The following FRMD4A variants were observed in gnomAD, a reference collection of about 807,000 sequenced individuals.
FRMD4A encodes the protein FERM domain containing 4A.
FRMD4A carries 29 observed loss-of-function variants against 129.1 expected under a neutral mutation model. The observed-to-expected ratio is 0.22, with a 90% CI of 0.17 to 0.31. The LOEUF (loss-of-function observed/expected upper bound fraction) is 0.31. Ranked by LOEUF, FRMD4A falls within the 10% of genes least tolerant of loss-of-function variation. The probability of loss-of-function intolerance (pLI) is 1.00; values close to 1 mark genes in which losing one functional copy is unlikely to be tolerated. For missense variants in FRMD4A, 1,272 were observed against 1,375.8 expected (o/e 0.92, Z 1.19); for synonymous variants, 634 against 571.6 (o/e 1.11, Z -1.56).
At chr10:13,656,103 G>GT (rs2082119375) in intron 22 of FRMD4A, among the ~76,000 whole-genome samples, 1 of 152,104 alleles carries the variant, frequency 6.6e-6, no homozygotes, top group South Asian at 2.1e-4. Context: ...ATCGAAATGG[G>GT]AAAGCCAGGA....
chr10:14,064,621 A>G (rs1202068827), intron 2 of FRMD4A, among the ~76,000 whole-genome samples: 2 of 152,126 alleles, frequency 1.3e-5, no homozygotes, highest in Admixed American at 1.3e-4. Flanking sequence ...TCCATCGTCT[A>G]GGCTGGAGTA....
intron 2 of FRMD4A, among the ~76,000 whole-genome samples, chr10:14,235,768 G>A (rs1205053854): frequency 3.3e-5 from 5 of 152,202 alleles, no homozygotes; most frequent in Non-Finnish European, 7.3e-5. Flanking sequence ...CTGTCCTTGA[G>A]AATATTTGCT....
intron 15 of FRMD4A, among the ~76,000 whole-genome samples, chr10:13,681,360 G>C (rs190434592): frequency 3.1e-4 from 47 of 152,276 alleles, no homozygotes; most frequent in Non-Finnish European, 6.5e-4. Flanking sequence ...AATCTGAGCT[G>C]TCTCTGGGAT....
chr10:13,991,589 G>A (rs767644602), intron 2 of FRMD4A, among the ~76,000 whole-genome samples: 4 of 152,206 alleles, frequency 2.6e-5, no homozygotes, highest in Admixed American at 6.5e-5. Flanking sequence ...TGGGAAAAAA[G>A]AACCACCTTG....
intron 2 of FRMD4A, among the ~76,000 whole-genome samples, chr10:14,057,824 C>T (rs1300855233): frequency 1.3e-5 from 2 of 152,216 alleles, no homozygotes; most frequent in Non-Finnish European, 2.9e-5. Flanking sequence ...CCCATCTTGG[C>T]CTCACAAAGT....
intron 2 of FRMD4A, among the ~76,000 whole-genome samples, chr10:14,106,392 A>G (rs929616193): frequency 2.6e-5 from 4 of 152,230 alleles, no homozygotes; most frequent in African/African-American, 9.6e-5. Flanking sequence ...AGTGGGAAAT[A>G]GTATCTAGAT....
At chr10:14,185,520 G>C (rs903288840) in intron 2 of FRMD4A, among the ~76,000 whole-genome samples, 2 of 149,406 alleles carry the variant, frequency 1.3e-5, no homozygotes, top group Non-Finnish European at 3.0e-5. Context: ...TTGGAGGTTT[G>C]TTGTAGAACT....
At chr10:13,745,979 A>G (rs987279210) in intron 9 of FRMD4A, among the ~76,000 whole-genome samples, 17 of 152,240 alleles carry the variant, frequency 1.1e-4, no homozygotes, top group African/African-American at 3.9e-4. Context: ...AAGCTGATGC[A>G]TGCAAAATCC....
At chr10:13,696,868 T>A (rs2086273802) in intron 14 of FRMD4A, among the ~76,000 whole-genome samples, 1 of 152,180 alleles carries the variant, frequency 6.6e-6, no homozygotes, top group Non-Finnish European at 1.5e-5. Context: ...AAAACCCACA[T>A]CCCAGAGTTG....
intron 2 of FRMD4A, among the ~76,000 whole-genome samples, chr10:14,181,306 A>G (rs1392148893): frequency 4.0e-5 from 6 of 151,694 alleles, no homozygotes; most frequent in Non-Finnish European, 1.5e-5. Context: ...TTTTTTCCTT[A>G]AGGTTTGTGG....
intron 15 of FRMD4A, among the ~76,000 whole-genome samples, chr10:13,679,787 G>C (rs746165713): frequency 3.3e-5 from 5 of 152,102 alleles, no homozygotes; most frequent in African/African-American, 9.7e-5. Context: ...CTCAGGGCTT[G>C]TCTGATCTGA....
In FRMD4A at chr10:13,847,372, C is replaced by T. The variant is rs75630078; in HGVS notation, c.111+11475G>A. On this transcript the variant is annotated intron_variant, in intron 3 of 24. Transcript: ENST00000357447. ...AGATTCAAGGGCGATAGGGAAGGCCCGCTGGGGTAGAAGACTCAGAGAAAA... is the reference window on the plus strand; with the variant it reads ...AGATTCAAGGGCGATAGGGAAGGCCTGCTGGGGTAGAAGACTCAGAGAAAA... 3.6e-3 allele frequency among the ~76,000 whole-genome samples: 553 copies of T among 152,308 alleles called. 1 individual carries two copies. The highest frequency in any genetic ancestry group is 0.013 in the African/African-American group (539 of 41,554).
chr10:14,291,835 T>C (rs189140623), intron 2 of FRMD4A, among the ~76,000 whole-genome samples: 1 of 151,808 alleles, frequency 6.6e-6, no homozygotes, highest in South Asian at 2.1e-4. Context: ...GGAATTATAT[T>C]ATTATTAATA....
chr10:13,841,069 T>C (rs1008810052), intron 3 of FRMD4A, among the ~76,000 whole-genome samples: 19 of 151,900 alleles, frequency 1.3e-4, no homozygotes, highest in African/African-American at 4.1e-4. Context: ...GATCATGCCA[T>C]TGCACTCCAG....
At chr10:14,133,362 C>T (rs978115052) in intron 2 of FRMD4A, among the ~76,000 whole-genome samples, 4 of 152,164 alleles carry the variant, frequency 2.6e-5, no homozygotes, top group Non-Finnish European at 4.4e-5. Context: ...TGAAAAAGTA[C>T]CAAAATAATT....
At chr10:13,964,233 A>G (rs1477621340) in intron 2 of FRMD4A, among the ~76,000 whole-genome samples, 1 of 152,044 alleles carries the variant, frequency 6.6e-6, no homozygotes, top group African/African-American at 2.4e-5. Flanking sequence ...AAAAAACATC[A>G]AACAAACAAA....
chr10:14,214,169 G>A (rs1177424043), intron 2 of FRMD4A, among the ~76,000 whole-genome samples: 1 of 152,138 alleles, frequency 6.6e-6, no homozygotes. Flanking sequence ...CTAGTCTCAG[G>A]CTTTTCTTCA....
intron 12 of FRMD4A, among the ~76,000 whole-genome samples, chr10:13,710,905 T>C (rs554130223): frequency 3.9e-5 from 6 of 152,144 alleles, no homozygotes; most frequent in Non-Finnish European, 8.8e-5. Flanking sequence ...TCCCAGCTAC[T>C]TGGGAGGCTG....
chr10:13,661,765 A>G (rs1249956732), intron 19 of FRMD4A, among the ~76,000 whole-genome samples: 2 of 152,168 alleles, frequency 1.3e-5, no homozygotes, highest in African/African-American at 4.8e-5. Context: ...TTCACAGGGA[A>G]GGCAGACATG....
Sources: allele counts gnomAD v4.1 joint callset (sites outside exome capture counted in the v4.1 genomes callset), GRCh38; gene constraint gnomAD v4.1.1; transcripts MANE v1.5; gene names NCBI Gene and HGNC (gene_info 2026-07-23, HGNC 2026-07-21).